The following TAB2 variants were observed in gnomAD, a reference collection of about 807,000 sequenced individuals.
TAB2 encodes TGF-beta-activated kinase 1 and MAP3K7-binding protein 2.
TAB2 carries 3 observed loss-of-function variants against 65.0 expected under a neutral mutation model. That is an observed-to-expected ratio of 0.05 (90% CI 0.02 to 0.12). TAB2 has a LOEUF of 0.12. Among genes scored for constraint, TAB2 ranks in the 10% least tolerant of loss-of-function variants. The pLI is 1.00. For missense variants in TAB2, 623 were observed against 840.3 expected (o/e 0.74, Z 3.20); for synonymous variants, 298 against 285.1 (o/e 1.05, Z -0.46).
intron 1 of TAB2, among the ~76,000 whole-genome samples, chr6:149,361,406 G>A (rs1438025666): frequency 6.6e-6 from 1 of 152,208 alleles, no homozygotes; most frequent in Non-Finnish European, 1.5e-5. Context: ...AGCCCGAGTT[G>A]TTCTTGGGGC....
chr6:149,239,814 A>G (rs1777564138), intron 1 of TAB2, among the ~76,000 whole-genome samples: 1 of 152,200 alleles, frequency 6.6e-6, no homozygotes. Flanking sequence ...ACAACACTGA[A>G]CACAGCCGAG....
At chr6:149,223,093 A>G (rs887320405) in intron 1 of TAB2, among the ~76,000 whole-genome samples, 4 of 152,236 alleles carry the variant, frequency 2.6e-5, no homozygotes, top group African/African-American at 9.6e-5. Context: ...CAAGCATGCC[A>G]CATGAAATAT....
Position 149,410,010 on chromosome 6 carries a change from A to G in TAB2, c.*291A>G. 1 of 455,140 alleles carries G rather than the reference A, an allele frequency of 2.2e-6. No homozygotes were observed. 28.2% of individuals were successfully genotyped at this position (455,140 alleles called of 1,614,324 possible). ...CATTATGGATAATTCTCAATATGTT[A>G]ACACCTAGGTGTTCCCAATACCTTT... On this transcript the variant is annotated 3_prime_UTR_variant, in exon 7 of 7. Transcript: ENST00000637181.
intron 1 of TAB2, among the ~76,000 whole-genome samples, chr6:149,337,435 G>A (rs542666477): frequency 6.6e-6 from 1 of 152,142 alleles, no homozygotes; most frequent in Non-Finnish European, 1.5e-5. Flanking sequence ...CCAAACTGGA[G>A]AAGGCATTGA....
intron 1 of TAB2, chr6:149,221,317 G>C (rs1294794573): frequency 6.6e-6 from 1 of 152,166 alleles, no homozygotes; most frequent in Non-Finnish European, 1.5e-5. Context: ...AGTGACACTA[G>C]CATATTTTAC....
At chr6:149,386,229 T>C (rs1379914749) in intron 3 of TAB2, among the ~76,000 whole-genome samples, 2 of 152,242 alleles carry the variant, frequency 1.3e-5, no homozygotes, top group African/African-American at 2.4e-5. Context: ...TTCTTAAATA[T>C]ATTAAGTTAC....
At position 149,223,291 on chromosome 6, in the gene TAB2, C is replaced by T. The variant is rs182847526; in HGVS notation, c.-121+4515C>T. ...TGGTTCTCAGAGCTTTGTGACCTGT[C>T]GATGAGGACATCTCAGTCAGTCTTT... On this transcript the variant is annotated intron_variant, in intron 1 of 1. Transcript: ENST00000606202. 2.3e-3 allele frequency among the ~76,000 whole-genome samples: 354 copies of T among 152,282 alleles called. 1 individual carries two copies. The highest frequency in any genetic ancestry group is 2.3e-3 in the Non-Finnish European group (154 of 68,028).
At chr6:149,279,759 A>G (rs757374415) in intron 1 of TAB2, among the ~76,000 whole-genome samples, 10 of 152,186 alleles carry the variant, frequency 6.6e-5, no homozygotes, top group Non-Finnish European at 1.3e-4. Context: ...TTGTTATTAC[A>G]TATCCTATTG....
At chr6:149,312,771 G>A (rs1032146481), upstream of TAB2, among the ~76,000 whole-genome samples, 21 of 152,280 alleles carry the variant, frequency 1.4e-4, no homozygotes, top group Middle Eastern at 3.4e-3. Context: ...TATTGATCAT[G>A]TACAACACGA....
intron 1 of TAB2, chr6:149,246,068 A>G (rs1395171670): frequency 6.6e-6 from 1 of 152,166 alleles, no homozygotes; most frequent in African/African-American, 2.4e-5. Context: ...ACAGGCGCCC[A>G]CCACCACGCC....
chr6:149,231,713 G>A (rs909266299), intron 1 of TAB2, among the ~76,000 whole-genome samples: 4 of 152,166 alleles, frequency 2.6e-5, no homozygotes, highest in East Asian at 1.9e-4. Context: ...AAGTATTTTC[G>A]AAATGAGTGT....
At chr6:149,391,583 A>G (rs2114925864) in intron 3 of TAB2, among the ~76,000 whole-genome samples, 1 of 152,232 alleles carries the variant, frequency 6.6e-6, no homozygotes, top group Middle Eastern at 3.4e-3. Context: ...ACGGTTGCCC[A>G]GGCTGTAGAG....
At position 149,379,563 on chromosome 6, in the gene TAB2, G is replaced by A. The variant is rs1457451719; in HGVS notation, c.1603+45G>A. On this transcript the variant is annotated intron_variant, in intron 3 of 6. Transcript: ENST00000637181. ...TGGGATGGTTTTCCATGCTGGGCTT[G>A]TTGGTGTGCATTTGATTTCACAACA... 1.9e-6 allele frequency: 3 copies of A among 1,585,844 alleles called. No individual in the cohort carries two copies. In the African/African-American group the frequency reaches 4.0e-5, roughly 21 times the overall value.
intron 1 of TAB2, among the ~76,000 whole-genome samples, chr6:149,362,831 C>T (rs980151072): frequency 5.9e-5 from 9 of 152,116 alleles, no homozygotes; most frequent in African/African-American, 1.9e-4. Context: ...AGCTTGTTTT[C>T]TAGAAAATAA....
At chr6:149,337,935 G>A (rs904866797) in intron 1 of TAB2, among the ~76,000 whole-genome samples, 1 of 152,130 alleles carries the variant, frequency 6.6e-6, no homozygotes, top group Non-Finnish European at 1.5e-5. Context: ...TGGTATGGGA[G>A]CTGAGATGCA....
chr6:149,344,010 AC>A (rs1442693482), intron 1 of TAB2, among the ~76,000 whole-genome samples: 1 of 152,210 alleles, frequency 6.6e-6, no homozygotes, highest in Admixed American at 6.5e-5. Context: ...CTCCTTCCTT[AC>A]ATCCCTTCCT....
At chr6:149,230,823 C>T (rs1305244111) in intron 1 of TAB2, among the ~76,000 whole-genome samples, 3 of 152,216 alleles carry the variant, frequency 2.0e-5, no homozygotes, top group Non-Finnish European at 2.9e-5. Context: ...GACACACTGA[C>T]ATTCACAGCA....
At chr6:149,275,284 GA>G (rs1224647147) in intron 1 of TAB2, among the ~76,000 whole-genome samples, 1 of 147,942 alleles carries the variant, frequency 6.8e-6, no homozygotes, top group Non-Finnish European at 1.5e-5. Flanking sequence ...AAGAAAGAAA[GA>G]AAGAAAGAAA....
At chr6:149,278,213 TAC>T (rs1349992211) in intron 1 of TAB2, among the ~76,000 whole-genome samples, 1 of 152,222 alleles carries the variant, frequency 6.6e-6, no homozygotes, top group African/African-American at 2.4e-5. Flanking sequence ...GTAATAAATA[TAC>T]ACAATGCATA....
Sources: gnomAD v4.1 joint callset for allele counts (sites outside exome capture counted in the v4.1 genomes callset) on GRCh38, gnomAD v4.1.1 for gene constraint, MANE v1.5 for transcripts, NCBI Gene and HGNC (gene_info 2026-07-23, HGNC 2026-07-21) for gene names.